Variants in STK3 observed in about 807,000 individuals in gnomAD.
STK3 encodes serine/threonine-protein kinase 3.
A neutral mutation model predicts 58.0 loss-of-function variants in STK3; 41 were observed. That is an observed-to-expected ratio of 0.71 (90% CI 0.55 to 0.92). The LOEUF is 0.92. Ranked by LOEUF, STK3 falls within the 40% of genes least tolerant of loss-of-function variation. The pLI is 0.00. For synonymous variants in STK3, 170 were observed against 191.0 expected (o/e 0.89, Z 0.91); for missense variants, 479 against 602.7 (o/e 0.79, Z 2.15).
intron 4 of STK3, 62 bp downstream of exon 4, chr8:98,749,214 G>T: frequency 2.4e-6 from 3 of 1,255,730 alleles, no homozygotes; most frequent in Non-Finnish European, 3.4e-6. Context: ...ATACCAACTA[G>T]TCAGATTCTA....
chr8:98,891,255 C>T (rs1292147313), intron 1 of STK3, among the ~76,000 whole-genome samples: 3 of 152,230 alleles, frequency 2.0e-5, no homozygotes, highest in East Asian at 3.8e-4. Flanking sequence ...AGACTTAATT[C>T]ACTTGCAGGA....
At chr8:98,717,112 G>C (rs1009662622) in intron 4 of STK3, among the ~76,000 whole-genome samples, 1 of 151,712 alleles carries the variant, frequency 6.6e-6, no homozygotes, top group African/African-American at 2.4e-5. Flanking sequence ...TACCAGATTT[G>C]GTAATGATTT....
intron 1 of STK3, among the ~76,000 whole-genome samples, chr8:98,797,588 G>T (rs556719670): frequency 1.3e-5 from 2 of 152,298 alleles, no homozygotes; most frequent in South Asian, 4.1e-4. Flanking sequence ...TGGTAGAAAT[G>T]TTCTAAATCT....
intron 6 of STK3, among the ~76,000 whole-genome samples, chr8:98,664,336 C>T (rs1055296365): frequency 2.6e-5 from 4 of 152,286 alleles, no homozygotes; most frequent in Middle Eastern, 3.4e-3. Flanking sequence ...GATGCTACCC[C>T]GGTCTGGGTC....
In STK3 at chr8:98,713,781, G is replaced by A. The variant is rs555694683; in HGVS notation, c.352-6470C>T. Reference sequence around the variant, plus strand: ...AATCCTCCCTAACTCATTTTATGAGGCCAGCATCATCCTGATACCAAAGCC... The same window carrying A: ...AATCCTCCCTAACTCATTTTATGAGACCAGCATCATCCTGATACCAAAGCC... On this transcript the variant is annotated intron_variant, in intron 4 of 10. Transcript: ENST00000419617. Among the ~76,000 whole-genome samples the A allele has an allele frequency of 3.6e-4, 55 of 152,150 alleles. 2 individuals carry two copies. The South Asian group carries it at 0.01, about 29-fold the overall frequency.
chr8:98,830,002 G>A (rs554957653), upstream of STK3, among the ~76,000 whole-genome samples: 4 of 151,998 alleles, frequency 2.6e-5, no homozygotes, highest in African/African-American at 7.2e-5. Context: ...CAAGGTGGGC[G>A]GATCACTTGA....
rs953428581 is a variant in STK3 at position 98,641,310 on chromosome 8, A to G, written c.685-45141T>C. On this transcript the variant is annotated intron_variant, in intron 6 of 10. Transcript: ENST00000419617. ...AAATTAGCTAAATTCTTGCCCTCCC[A>G]AACAGGAGGCAGTCTAAAGCAAAGG... Among the ~76,000 whole-genome samples, 5 of 152,192 alleles carry G rather than the reference A, an allele frequency of 3.3e-5. No homozygotes were observed. The East Asian group carries it at 9.6e-4, about 29-fold the overall frequency.
intron 3 of STK3, among the ~76,000 whole-genome samples, chr8:98,858,347 G>GAGAGAGAGAGAC (rs1836782251): frequency 1.5e-5 from 2 of 135,822 alleles, no homozygotes; most frequent in Non-Finnish European, 3.2e-5. Flanking sequence ...GAGAGAGAGA[G>GAGAGAGAGAGAC]AGAGAGAGAG....
At chr8:98,905,723 G>A in intron 1 of STK3, 1 of 587,616 alleles carries the variant, frequency 1.7e-6, no homozygotes, top group South Asian at 1.8e-5. Flanking sequence ...GCGTCAGAGA[G>A]AACCCTACAA....
At position 98,589,783 on chromosome 8, in the gene STK3, C is replaced by T. The variant is rs190335806; in HGVS notation, c.822+6249G>A. Among the ~76,000 whole-genome samples the T allele has an allele frequency of 7.1e-3, 1,079 of 152,258 alleles. 9 individuals carry two copies. The highest frequency in any genetic ancestry group is 0.023 in the African/African-American group (972 of 41,542). Reference sequence around the variant, plus strand: ...GGCATAGGACCCTCTGAGCCAGGTGCGGGATATAATCTCGTGGTGCACCAT... The same window carrying T: ...GGCATAGGACCCTCTGAGCCAGGTGTGGGATATAATCTCGTGGTGCACCAT... On this transcript the variant is annotated intron_variant, in intron 7 of 10. Coordinates refer to ENST00000419617, the MANE Select transcript of STK3 (RefSeq NM_006281.4).
At chr8:98,793,708 G>A (rs1832952151) in intron 1 of STK3, among the ~76,000 whole-genome samples, 1 of 152,040 alleles carries the variant, frequency 6.6e-6, no homozygotes, top group Non-Finnish European at 1.5e-5. Context: ...ACAGACATCT[G>A]CAGACTACTT....
chr8:98,683,618 T>G (rs1416205175), intron 6 of STK3, among the ~76,000 whole-genome samples: 1 of 152,044 alleles, frequency 6.6e-6, no homozygotes, highest in African/African-American at 2.4e-5. Flanking sequence ...AAAAGTGCCA[T>G]AAGAAAATTA....
At chr8:98,441,717 C>T (rs1818702918) in intron 1 of STK3, among the ~76,000 whole-genome samples, 1 of 152,294 alleles carries the variant, frequency 6.6e-6, no homozygotes, top group South Asian at 2.1e-4. Context: ...TGAAGTGTCT[C>T]CCCTCTTGGC....
intron 6 of STK3, among the ~76,000 whole-genome samples, chr8:98,705,521 C>T (rs1825905368): frequency 6.6e-6 from 1 of 152,100 alleles, no homozygotes; most frequent in Non-Finnish European, 1.5e-5. Flanking sequence ...ATTTAACCCA[C>T]AATGGCATTA....
chr8:98,712,878 T>C (rs1826619482), intron 4 of STK3, among the ~76,000 whole-genome samples: 2 of 150,934 alleles, frequency 1.3e-5, no homozygotes, highest in South Asian at 2.1e-4. Flanking sequence ...GACCACATAG[T>C]TGGAAGTAAA....
intron 6 of STK3, among the ~76,000 whole-genome samples, chr8:98,637,444 T>C (rs1472226604): frequency 6.6e-6 from 1 of 152,198 alleles, no homozygotes; most frequent in Non-Finnish European, 1.5e-5. Context: ...GAGTTCTGAT[T>C]GCCTTTGGGT....
chr8:98,503,722 T>G (rs573705949), intron 10 of STK3, among the ~76,000 whole-genome samples: 23 of 152,332 alleles, frequency 1.5e-4, no homozygotes, highest in African/African-American at 4.6e-4. Context: ...TTGAGTGAGT[T>G]TCTTAATCCT....
chr8:98,658,290 T>C (rs1273567622), intron 6 of STK3, among the ~76,000 whole-genome samples: 2 of 151,962 alleles, frequency 1.3e-5, no homozygotes, highest in African/African-American at 4.8e-5. Context: ...GAGCAAAATA[T>C]GCTTGATTCA....
chr8:98,938,001 AAGAAAAGGTCATTT>A (rs1442773058), intron 1 of STK3, among the ~76,000 whole-genome samples: 4 of 152,220 alleles, frequency 2.6e-5, no homozygotes, highest in Admixed American at 2.0e-4. Flanking sequence ...GAATCCCCAT[AAGAAAAGGTCATTT>A]GAAAATAGCA....
Sources: allele counts gnomAD v4.1 joint callset (sites outside exome capture counted in the v4.1 genomes callset), GRCh38; gene constraint gnomAD v4.1.1; transcripts MANE v1.5; gene names NCBI Gene and HGNC (gene_info 2026-07-23, HGNC 2026-07-21).